DSG4: variants seen among roughly 807,000 people sequenced by gnomAD.
DSG4 encodes the protein desmoglein 4.
A neutral mutation model predicts 93.1 loss-of-function variants in DSG4; 87 were observed. That is an observed-to-expected ratio of 0.93 (90% CI 0.79 to 1.12). The LOEUF (loss-of-function observed/expected upper bound fraction) is 1.12. Ranked by LOEUF, DSG4 falls within the 50% of genes most tolerant of loss-of-function variation. The pLI is 0.00. For missense variants in DSG4, 1,373 were observed against 1,285.7 expected (o/e 1.07, Z -1.04); for synonymous variants, 432 against 452.9 (o/e 0.95, Z 0.59).
In DSG4 at chr18:31,413,211, T is replaced by A. The variant is rs745676688; in HGVS notation, c.2739T>A (p.Asn913Lys). The part of the protein sequence containing the change: ...GDIIVTETYG[N>K]ADPCVQPTTI... ...TTATTGTGACTGAGACTTACGGTAA[T>A]GCTGATCCATGTGTGCAACCCACTA... Residue 913 changes from asparagine to lysine, a missense_variant, in exon 16 of 16, where the codon AAT becomes AAA. Coordinates refer to ENST00000308128, the MANE Select transcript of DSG4 (RefSeq NM_177986.5). The A allele has an allele frequency of 6.2e-7, 1 of 1,614,150 alleles. No individual in the cohort carries two copies. Among genetic ancestry groups the A allele is most frequent in the Non-Finnish European group, 8.5e-7 (1 of 1,180,022 alleles).
chr18:31,399,137 T>G lies in DSG4; in HGVS notation c.1006-135T>G, dbSNP rs571986162. On this transcript the variant is annotated intron_variant, in intron 8 of 15. Transcript: ENST00000308128. ...TACCTAATGCAGTAATAAGTAAAATTTTTTTCAATTCAAAATCTAAACAGC... is the reference window on the plus strand; with the variant it reads ...TACCTAATGCAGTAATAAGTAAAATGTTTTTCAATTCAAAATCTAAACAGC... The G allele has an allele frequency of 5.4e-5, 61 of 1,138,990 alleles. No individual in the cohort carries two copies. In the East Asian group the frequency reaches 1.4e-3, roughly 27 times the overall value. The allele number at this position is 1,138,990 out of a possible 1,614,324, so 70.6% of individuals were successfully genotyped here.
chr18:31,406,589 G>A (rs537211457), intron 12 of DSG4, among the ~76,000 whole-genome samples: 1 of 152,034 alleles, frequency 6.6e-6, no homozygotes, highest in East Asian at 1.9e-4. Flanking sequence ...CTAAAAATGG[G>A]AAACACATGC....
chr18:31,410,612 G>A (rs923414562), intron 14 of DSG4, among the ~76,000 whole-genome samples: 9 of 152,082 alleles, frequency 5.9e-5, no homozygotes, highest in Non-Finnish European at 1.2e-4. Flanking sequence ...CCTCAAAAGA[G>A]TGTCGTAAAC....
intron 14 of DSG4, among the ~76,000 whole-genome samples, chr18:31,410,529 A>C (rs1186902019): frequency 6.6e-6 from 1 of 151,888 alleles, no homozygotes; most frequent in Non-Finnish European, 1.5e-5. Context: ...TTTTTTAAAG[A>C]GCTAAAGAAA....
intron 8 of DSG4, among the ~76,000 whole-genome samples, chr18:31,394,015 C>T (rs17660030): frequency 0.032 from 4,906 of 152,282 alleles, 111 homozygotes; most frequent in Middle Eastern, 0.054. Flanking sequence ...GAAAACATTG[C>T]TTTGGGCCAG....
In DSG4 at chr18:31,413,199, G is replaced by C. The variant is rs755092274; in HGVS notation, c.2727G>C (p.Glu909Asp). 1 of 1,614,124 alleles carries C rather than the reference G, an allele frequency of 6.2e-7. No individual in the cohort carries two copies. The highest frequency in any genetic ancestry group is 8.5e-7 in the Non-Finnish European group (1 of 1,180,020). The change falls in exon 16 of 16, where the codon GAG (glutamate) becomes GAC (aspartate). Residue 909 changes from glutamate to aspartate, a missense_variant. Transcript: ENST00000308128. ...PVVHGDIIVTETYGNADPCVQ... is the reference protein window; with the variant it reads ...PVVHGDIIVTDTYGNADPCVQ... ...TCCATGGGGATATTATTGTGACTGAGACTTACGGTAATGCTGATCCATGTG... is the reference window on the plus strand; with the variant it reads ...TCCATGGGGATATTATTGTGACTGACACTTACGGTAATGCTGATCCATGTG...
chr18:31,409,681 G>T (rs2072465371), intron 13 of DSG4, 64 bp from the exon 14 acceptor site: 1 of 1,613,472 alleles, frequency 6.2e-7, no homozygotes, highest in Non-Finnish European at 8.5e-7. Context: ...AAAATGAACA[G>T]ATGTCAGTTT....
chr18:31,387,701 T>C (rs1041684631), intron 3 of DSG4, among the ~76,000 whole-genome samples: 2 of 152,096 alleles, frequency 1.3e-5, no homozygotes, highest in African/African-American at 2.4e-5. Flanking sequence ...TTTATTTGAC[T>C]GTGAATGTGT....
At position 31,386,668 on chromosome 18, in the gene DSG4, C is replaced by T. The variant is rs372495403; in HGVS notation, c.85-20C>T. On this transcript the variant is annotated intron_variant, in intron 2 of 15. Coordinates refer to ENST00000308128, the MANE Select transcript of DSG4 (RefSeq NM_177986.5). ...AAATTGTTCTCACACTGTAAGACAC[C>T]TGAACCATTTTTGCTTAAGGTGAAG... The T allele has an allele frequency of 1.2e-6, 2 of 1,612,286 alleles. No homozygotes were observed. The highest frequency in any genetic ancestry group is 1.3e-5 in the African/African-American group (1 of 74,808).
At chr18:31,397,814 G>T (rs2072321200) in intron 8 of DSG4, among the ~76,000 whole-genome samples, 1 of 152,028 alleles carries the variant, frequency 6.6e-6, no homozygotes, top group Non-Finnish European at 1.5e-5. Context: ...ATCACCCAAG[G>T]TCAGGAGTTC....
intron 8 of DSG4, among the ~76,000 whole-genome samples, chr18:31,395,171 T>C (rs1276855065): frequency 6.6e-6 from 1 of 151,946 alleles, no homozygotes; most frequent in Non-Finnish European, 1.5e-5. Flanking sequence ...CTGCATACAA[T>C]TATAAATATG....
Position 31,411,350 on chromosome 18 carries a change from T to C in DSG4, c.2257T>C (p.Ser753Pro), listed in dbSNP as rs2072488129. Residue 753 changes from serine to proline, a missense_variant, in exon 15 of 16, where the codon TCA becomes CCA. By Grantham distance (74) the Ser-to-Pro change is moderately conservative. Coordinates refer to ENST00000308128, the MANE Select transcript of DSG4 (RefSeq NM_177986.5). ...GLMAAGAAGA[S>P]GAARKRSSTM... is the part of the protein sequence containing the mutation. Reference sequence around the variant, plus strand: ...CATGGCCGCAGGGGCCGCAGGAGCCTCAGGGGCCGCAAGGAAGAGGAGCTC... The same window carrying C: ...CATGGCCGCAGGGGCCGCAGGAGCCCCAGGGGCCGCAAGGAAGAGGAGCTC... 6.2e-7 allele frequency: 1 copy of C among 1,613,776 alleles called. No individual in the cohort carries two copies. Among genetic ancestry groups the C allele is most frequent in the Admixed American group, 1.7e-5 (1 of 59,970 alleles).
chr18:31,406,037 G>T, intron 11 of DSG4, 40 bp from the exon 12 acceptor site: 1 of 1,612,388 alleles, frequency 6.2e-7, no homozygotes, highest in Non-Finnish European at 8.5e-7. Context: ...GCCCACCAAG[G>T]AATTTCCATT....
chr18:31,413,865 C>G lies in DSG4; in HGVS notation c.*270C>G. 2.6e-6 allele frequency: 1 copy of G among 387,044 alleles called. No homozygotes were observed. Among genetic ancestry groups the G allele is most frequent in the South Asian group, 2.5e-5 (1 of 39,556 alleles). The allele number at this position is 387,044 out of a possible 1,614,324, so 24.0% of individuals were successfully genotyped here. Reference sequence around the variant, plus strand: ...TCCCTTGATACTGTCTAACGAATAGCACATAACTCATATTGTGAATCCTAT... The same window carrying G: ...TCCCTTGATACTGTCTAACGAATAGGACATAACTCATATTGTGAATCCTAT... On this transcript the variant is annotated 3_prime_UTR_variant, in exon 16 of 16. Transcript: ENST00000308128.
At chr18:31,387,081 C>T (rs1277700272) in intron 3 of DSG4, among the ~76,000 whole-genome samples, 1 of 152,084 alleles carries the variant, frequency 6.6e-6, no homozygotes, top group African/African-American at 2.4e-5. Context: ...GTGTACTGCT[C>T]ATTATTGCCT....
intron 1 of DSG4, among the ~76,000 whole-genome samples, chr18:31,377,344 C>A (rs575467381): frequency 6.6e-6 from 1 of 152,290 alleles, no homozygotes; most frequent in East Asian, 1.9e-4. Flanking sequence ...GTTAATCAAA[C>A]CCATTTCTTT....
At chr18:31,403,031 T>C (rs2072385368) in intron 10 of DSG4, among the ~76,000 whole-genome samples, 1 of 152,074 alleles carries the variant, frequency 6.6e-6, no homozygotes, top group African/African-American at 2.4e-5. Context: ...ATAACTGACC[T>C]GGGGGTCTAA....
intron 14 of DSG4, 122 bp from the exon 15 acceptor site, chr18:31,411,109 G>C: frequency 6.3e-7 from 1 of 1,599,522 alleles, no homozygotes; most frequent in Non-Finnish European, 8.5e-7. Flanking sequence ...CTCTTTGTCA[G>C]CTTTTTAGCG....
intron 5 of DSG4, among the ~76,000 whole-genome samples, chr18:31,389,733 T>C (rs2072227934): frequency 6.6e-6 from 1 of 152,112 alleles, no homozygotes; most frequent in South Asian, 2.1e-4. Context: ...AATCTATGTC[T>C]GCCCATATAC....
Sources: allele counts gnomAD v4.1 joint callset (sites outside exome capture counted in the v4.1 genomes callset), GRCh38; gene constraint gnomAD v4.1.1; transcripts MANE v1.5; gene names NCBI Gene and HGNC (gene_info 2026-07-23, HGNC 2026-07-21).